Variants in RAP1GDS1 observed in about 807,000 individuals in gnomAD.
RAP1GDS1 encodes the protein RAP1, GTP-GDP dissociation stimulator 1.
A neutral mutation model predicts 71.1 loss-of-function variants in RAP1GDS1; 35 were observed. The ratio of observed to expected loss-of-function variants is 0.49; its 90% CI spans 0.38 to 0.65. RAP1GDS1 has a LOEUF of 0.65. Ranked by LOEUF, RAP1GDS1 falls within the 30% of genes least tolerant of loss-of-function variation. The probability of loss-of-function intolerance (pLI) is 0.00; values close to 1 mark genes in which losing one functional copy is unlikely to be tolerated. For missense variants in RAP1GDS1, 663 were observed against 706.1 expected, an observed-to-expected ratio of 0.94 and a Z score of 0.69; for synonymous variants, 229 against 243.1, an observed-to-expected ratio of 0.94 and a Z score of 0.54.
chr4:98,381,575 CAAAA>C (rs1442066729), intron 5 of RAP1GDS1, among the ~76,000 whole-genome samples: 4 of 151,406 alleles, frequency 2.6e-5, no homozygotes, highest in Non-Finnish European at 4.4e-5. Context: ...GTCCCTGAAA[CAAAA>C]AATAACAGCT....
At chr4:98,343,506 A>G (rs1334012488) in intron 3 of RAP1GDS1, among the ~76,000 whole-genome samples, 2 of 152,184 alleles carry the variant, frequency 1.3e-5, no homozygotes, top group Non-Finnish European at 2.9e-5. Context: ...GCCCTCAGCT[A>G]TACCTGTGTT....
intron 4 of RAP1GDS1, among the ~76,000 whole-genome samples, chr4:98,357,976 G>A (rs901320743): frequency 2.0e-5 from 3 of 151,898 alleles, no homozygotes; most frequent in Non-Finnish European, 2.9e-5. Flanking sequence ...AGATATAAAA[G>A]CCAGAAGCCA....
At chr4:98,410,536 G>A (rs1472719637) in intron 7 of RAP1GDS1, among the ~76,000 whole-genome samples, 1 of 152,078 alleles carries the variant, frequency 6.6e-6, no homozygotes, top group African/African-American at 2.4e-5. Context: ...TTGTGCACAT[G>A]TATACCAGGA....
At chr4:98,338,792 A>C (rs1281630984) in intron 2 of RAP1GDS1, among the ~76,000 whole-genome samples, 2 of 152,204 alleles carry the variant, frequency 1.3e-5, no homozygotes, top group Non-Finnish European at 2.9e-5. Context: ...GGAGTTTACT[A>C]TAAATTGGTC....
At chr4:98,293,351 A>G (rs910586437) in intron 1 of RAP1GDS1, 57 bp from the exon 2 acceptor site, 25 of 1,158,852 alleles carry the variant, frequency 2.2e-5, no homozygotes, top group African/African-American at 3.1e-5. Context: ...TCCTTTTGTC[A>G]TGTAACATAT....
intron 13 of RAP1GDS1, among the ~76,000 whole-genome samples, chr4:98,436,622 G>A (rs1228988649): frequency 6.6e-6 from 1 of 152,098 alleles, no homozygotes; most frequent in Non-Finnish European, 1.5e-5. Flanking sequence ...GGTGATAAGT[G>A]CATAAGGTAT....
In RAP1GDS1 at chr4:98,302,186, C is replaced by T. The variant is rs184205886; in HGVS notation, c.112+8671C>T. ...TGTGTTGCAGTTATCATTAACAGAA[C>T]ACCATGACCTATATTAAATATTCTT... On this transcript the variant is annotated intron_variant, in intron 2 of 14. Transcript: ENST00000408927. Among the ~76,000 whole-genome samples the T allele has an allele frequency of 1.2e-3, 177 of 152,252 alleles. 1 individual carries two copies. The highest frequency in any genetic ancestry group is 2.0e-3 in the Non-Finnish European group (135 of 68,020).
At chr4:98,306,899 A>G (rs888909316) in intron 2 of RAP1GDS1, among the ~76,000 whole-genome samples, 2 of 152,050 alleles carry the variant, frequency 1.3e-5, no homozygotes, top group African/African-American at 4.8e-5. Flanking sequence ...CTGAATACCC[A>G]CTTGGCATTG....
At chr4:98,416,336 T>G (rs955431641) in intron 7 of RAP1GDS1, among the ~76,000 whole-genome samples, 1 of 90,102 alleles carries the variant, frequency 1.1e-5, no homozygotes, top group African/African-American at 5.5e-5. Flanking sequence ...TTTTCTTAGT[T>G]TTTTTTTTTT....
At chr4:98,418,254 G>A (rs949503429) in intron 9 of RAP1GDS1, among the ~76,000 whole-genome samples, 11 of 151,958 alleles carry the variant, frequency 7.2e-5, no homozygotes, top group Admixed American at 2.0e-4. Context: ...TATTCTCTCC[G>A]CTTTGTAAGT....
chr4:98,295,036 T>C (rs762062459), intron 2 of RAP1GDS1, among the ~76,000 whole-genome samples: 4 of 151,984 alleles, frequency 2.6e-5, no homozygotes, highest in Non-Finnish European at 4.4e-5. Context: ...TGGTCATCTG[T>C]AGAGGTTGCC....
At chr4:98,340,317 T>C (rs936426878) in intron 2 of RAP1GDS1, among the ~76,000 whole-genome samples, 1 of 152,214 alleles carries the variant, frequency 6.6e-6, no homozygotes, top group Non-Finnish European at 1.5e-5. Context: ...ATATACACCA[T>C]GGAATACTAC....
At chr4:98,338,229 T>A (rs1734978044) in intron 2 of RAP1GDS1, among the ~76,000 whole-genome samples, 2 of 152,204 alleles carry the variant, frequency 1.3e-5, no homozygotes. Flanking sequence ...CTAGGGCTTC[T>A]GGCTTAAATG....
chr4:98,300,230 T>G (rs537660442), intron 2 of RAP1GDS1, among the ~76,000 whole-genome samples: 1 of 152,290 alleles, frequency 6.6e-6, no homozygotes, highest in African/African-American at 2.4e-5. Flanking sequence ...TCAGCAACAT[T>G]CAGCATTGAG....
intron 4 of RAP1GDS1, among the ~76,000 whole-genome samples, chr4:98,374,516 A>G (rs998279669): frequency 7.9e-5 from 12 of 152,078 alleles, no homozygotes; most frequent in Admixed American, 7.2e-4. Flanking sequence ...ACAGTGAGTA[A>G]TTTTTTTCTT....
chr4:98,308,437 T>G (rs997685428), intron 2 of RAP1GDS1, among the ~76,000 whole-genome samples: 1 of 149,894 alleles, frequency 6.7e-6, no homozygotes, highest in Admixed American at 6.7e-5. Flanking sequence ...GCCACTGCAC[T>G]CTAGCCTACG....
chr4:98,300,098 A>G (rs957705374), intron 2 of RAP1GDS1, among the ~76,000 whole-genome samples: 1 of 152,218 alleles, frequency 6.6e-6, no homozygotes, highest in African/African-American at 2.4e-5. Context: ...ACAGCATTGC[A>G]TGCTACGGGT....
intron 2 of RAP1GDS1, among the ~76,000 whole-genome samples, chr4:98,329,072 C>T (rs1733559475): frequency 6.6e-6 from 1 of 152,194 alleles, no homozygotes; most frequent in Admixed American, 6.5e-5. Context: ...TATGATATTT[C>T]AGTCAAAGCC....
chr4:98,289,374 C>T (rs996844507), intron 1 of RAP1GDS1, among the ~76,000 whole-genome samples: 1 of 151,754 alleles, frequency 6.6e-6, no homozygotes, highest in Non-Finnish European at 1.5e-5. Context: ...GTGGAAAATG[C>T]ACAGAAAGGA....
Sources: allele counts gnomAD v4.1 joint callset (sites outside exome capture counted in the v4.1 genomes callset), GRCh38; gene constraint gnomAD v4.1.1; transcripts MANE v1.5; gene names NCBI Gene and HGNC (gene_info 2026-07-23, HGNC 2026-07-21).